Variants in ANKFN1 observed in about 807,000 individuals in gnomAD.
ANKFN1 encodes the protein ankyrin repeat and fibronectin type III domain containing 1.
A neutral mutation model predicts 108.7 loss-of-function variants in ANKFN1; 74 were observed. The observed-to-expected ratio is 0.68, with a 90% CI of 0.56 to 0.83. ANKFN1 has a LOEUF of 0.83. Among genes scored for constraint, ANKFN1 ranks in the 40% least tolerant of loss-of-function variants. The probability of loss-of-function intolerance (pLI) is 0.00; values close to 1 mark genes in which losing one functional copy is unlikely to be tolerated. For missense variants in ANKFN1, 1,505 were observed against 1,382.3 expected (o/e 1.09, Z -1.41); for synonymous variants, 547 against 516.2 (o/e 1.06, Z -0.81).
chr17:56,265,992 A>G (rs929242676), intron 3 of ANKFN1, among the ~76,000 whole-genome samples: 4 of 152,196 alleles, frequency 2.6e-5, no homozygotes, highest in African/African-American at 7.2e-5. Flanking sequence ...GCACACATGT[A>G]AAAAGGTCTC....
chr17:56,450,451 T>C (rs890515450), intron 11 of ANKFN1, among the ~76,000 whole-genome samples: 3 of 152,222 alleles, frequency 2.0e-5, no homozygotes, highest in Non-Finnish European at 2.9e-5. Context: ...GAAAATAATA[T>C]TCTTCTAATG....
At chr17:56,223,327 CTTTA>C (rs1567847836) in intron 2 of ANKFN1, among the ~76,000 whole-genome samples, 1 of 152,096 alleles carries the variant, frequency 6.6e-6, no homozygotes, top group Non-Finnish European at 1.5e-5. Context: ...AGTTCTTTTA[CTTTA>C]TTTAAGTGGG....
At chr17:56,307,792 A>G (rs1445808374) in intron 3 of ANKFN1, among the ~76,000 whole-genome samples, 4 of 152,184 alleles carry the variant, frequency 2.6e-5, no homozygotes, top group Non-Finnish European at 4.4e-5. Flanking sequence ...TGTTTATTGC[A>G]GCACTATTCA....
At chr17:56,435,726 A>G (rs2048909070) in intron 8 of ANKFN1, among the ~76,000 whole-genome samples, 1 of 149,514 alleles carries the variant, frequency 6.7e-6, no homozygotes, top group African/African-American at 2.4e-5. Flanking sequence ...GAGAATCTGC[A>G]CAACAGCAAG....
chr17:56,260,845 G>T (rs1232361170), intron 3 of ANKFN1, among the ~76,000 whole-genome samples: 1 of 152,132 alleles, frequency 6.6e-6, no homozygotes, highest in Non-Finnish European at 1.5e-5. Context: ...TAGTGCCTGG[G>T]TGGCTTCCTA....
intron 8 of ANKFN1, among the ~76,000 whole-genome samples, chr17:56,378,637 T>C (rs1000955906): frequency 6.6e-6 from 1 of 152,220 alleles, no homozygotes; most frequent in African/African-American, 2.4e-5. Context: ...TAACTTTCTT[T>C]AGCCTGTTTG....
intron 1 of ANKFN1, among the ~76,000 whole-genome samples, chr17:56,189,997 C>CAA (rs59587527): frequency 0.31 from 44,468 of 143,016 alleles, 8,177 homozygotes; most frequent in South Asian, 0.5. Context: ...CATCCATGTG[C>CAA]AAAAAAAAAA....
chr17:56,346,883 A>T (rs1190828790), intron 4 of ANKFN1, among the ~76,000 whole-genome samples: 1 of 151,740 alleles, frequency 6.6e-6, no homozygotes, highest in Non-Finnish European at 1.5e-5. Flanking sequence ...TATTCAACCT[A>T]TAGTTTTGGT....
chr17:56,083,573 A>G (rs1355259855), intron 4 of ANKFN1, among the ~76,000 whole-genome samples: 1 of 151,558 alleles, frequency 6.6e-6, no homozygotes, highest in East Asian at 1.9e-4. Flanking sequence ...TTCTTTTGAC[A>G]GAGGATCTGC....
At chr17:56,187,125 A>G (rs868726465) in intron 1 of ANKFN1, among the ~76,000 whole-genome samples, 1 of 152,228 alleles carries the variant, frequency 6.6e-6, no homozygotes, top group Non-Finnish European at 1.5e-5. Context: ...CAACAAAAGA[A>G]ACTACCATCA....
At chr17:56,055,557 G>GTATATATACA (rs1280673785) in intron 4 of ANKFN1, among the ~76,000 whole-genome samples, 16 of 20,956 alleles carry the variant, frequency 7.6e-4, no homozygotes, top group African/African-American at 3.4e-3. Flanking sequence ...TGTGTGTGTG[G>GTATATATACA]TATATATACA....
At chr17:56,083,390 A>G (rs1326467056) in intron 4 of ANKFN1, among the ~76,000 whole-genome samples, 1 of 151,420 alleles carries the variant, frequency 6.6e-6, no homozygotes, top group African/African-American at 2.4e-5. Flanking sequence ...AGCATGCTCT[A>G]CAATTCCAGG....
chr17:56,458,148 G>A (rs1054789978), intron 14 of ANKFN1, among the ~76,000 whole-genome samples, 169 bp downstream of exon 14: 4 of 152,226 alleles, frequency 2.6e-5, no homozygotes, highest in African/African-American at 7.2e-5. Flanking sequence ...TAGGTATGCA[G>A]GTTTCATATA....
At position 56,196,663 on chromosome 17, in the gene ANKFN1, G is replaced by C. The variant is rs140083973; in HGVS notation, c.-70-15935G>C. On this transcript the variant is annotated intron_variant, in intron 1 of 20. Transcript: ENST00000682825. ...GGCTGAGGTGGGAGGACTGCCTGAG[G>C]CCAGGAGTTTGAGGTTGCAGTGAAC... Among the ~76,000 whole-genome samples, 621 of 152,202 alleles carry C rather than the reference G, an allele frequency of 4.1e-3. 8 individuals are homozygous for C. Among genetic ancestry groups the C allele is most frequent in the African/African-American group, 0.014 (593 of 41,510 alleles).
rs1244013476 is a variant in ANKFN1, at chr17:56,189,179, T to TTTTTTTTTTTTTTTTG, written c.-70-23410_-70-23409insTTTTTTGTTTTTTTTT. 1.8e-4 allele frequency among the ~76,000 whole-genome samples: 20 copies of TTTTTTTTTTTTTTTTG among 111,366 alleles called. 2 individuals carry two copies. The highest frequency in any genetic ancestry group is 1.5e-3 in the South Asian group (5 of 3,374). The allele number at this position is 111,366 out of a possible 152,430, so 73.1% of individuals were successfully genotyped here. A position where few individuals can be genotyped will look rare whatever the true frequency, so the allele number is the denominator to read the frequency against. Reference sequence around the variant, plus strand: ...GTAAATGTTGCCCTGACTTTTTTTTTTTTTTTTTTGAGACGGAGTCTCGCT... The same window carrying TTTTTTTTTTTTTTTTG: ...GTAAATGTTGCCCTGACTTTTTTTTTTTTTTTTTTTTTTTTGTTTTTTTTTGAGACGGAGTCTCGCT... On this transcript the variant is annotated intron_variant, in intron 1 of 20. Coordinates refer to ENST00000682825, the MANE Select transcript of ANKFN1 (RefSeq NM_001370326.1).
intron 6 of ANKFN1, among the ~76,000 whole-genome samples, chr17:56,370,502 T>G (rs1458105154): frequency 6.6e-6 from 1 of 152,132 alleles, no homozygotes; most frequent in Non-Finnish European, 1.5e-5. Flanking sequence ...GTCACCCAAG[T>G]GTTGACGCAT....
chr17:56,054,458 C>T (rs1904830666), intron 4 of ANKFN1, among the ~76,000 whole-genome samples: 1 of 152,132 alleles, frequency 6.6e-6, no homozygotes, highest in Admixed American at 6.6e-5. Context: ...GGTTTGGTTT[C>T]AGACCACCAA....
chr17:56,425,351 T>A (rs1286716546), intron 8 of ANKFN1, among the ~76,000 whole-genome samples: 1 of 152,220 alleles, frequency 6.6e-6, no homozygotes, highest in Non-Finnish European at 1.5e-5. Context: ...ATCTGACATA[T>A]ATCATTGCAC....
intron 8 of ANKFN1, among the ~76,000 whole-genome samples, chr17:56,416,290 G>T (rs968311484): frequency 6.6e-6 from 1 of 152,092 alleles, no homozygotes; most frequent in South Asian, 2.1e-4. Flanking sequence ...GAAAATGTTT[G>T]CAAACTACCC....
Sources: gnomAD v4.1 joint callset for allele counts (sites outside exome capture counted in the v4.1 genomes callset) on GRCh38, gnomAD v4.1.1 for gene constraint, MANE v1.5 for transcripts, NCBI Gene and HGNC (gene_info 2026-07-23, HGNC 2026-07-21) for gene names.